CCDC125: variants seen among roughly 807,000 people sequenced by gnomAD.
The protein encoded by CCDC125 is coiled-coil domain containing 125.
Under a neutral mutation model 57.4 loss-of-function variants are expected in CCDC125, and 43 were observed. The observed-to-expected ratio is 0.75, with a 90% CI of 0.59 to 0.97. CCDC125 has a LOEUF of 0.97. Among genes scored for constraint, CCDC125 ranks in the 50% least tolerant of loss-of-function variants. The pLI is 0.00. For synonymous variants in CCDC125, 187 were observed against 195.2 expected, an observed-to-expected ratio of 0.96 and a Z score of 0.35; for missense variants, 563 against 595.7, an observed-to-expected ratio of 0.95 and a Z score of 0.57.
chr5:69,307,816 G>A, intron 5 of CCDC125, 135 bp downstream of exon 5: 2 of 655,138 alleles, frequency 3.1e-6, no homozygotes, highest in Non-Finnish European at 5.4e-6. Context: ...ACTCCAAAAG[G>A]GAAGACCATC....
chr5:69,300,091 A>G lies in CCDC125; in HGVS notation c.737T>C (p.Leu246Pro). 6.2e-7 allele frequency: 1 copy of G among 1,614,182 alleles called. No individual in the cohort carries two copies. The highest frequency in any genetic ancestry group is 1.3e-5 in the African/African-American group (1 of 75,050). The change falls in exon 8 of 12, where the codon CTT becomes CCT. Residue 246 changes from leucine to proline, a missense_variant. Transcript: ENST00000396496. ...NQRYLEALAM[L>P]DIKQQKMAQE... The stretch of plus-strand genomic sequence containing the variant: ...AGCCATCTTCTGCTGTTTGATATCA[A>G]GCATGGCGAGGGCCTCCAAATACCG...
intron 10 of CCDC125, among the ~76,000 whole-genome samples, chr5:69,286,472 T>C (rs1579956562): frequency 6.6e-6 from 1 of 151,618 alleles, no homozygotes; most frequent in East Asian, 1.9e-4. Flanking sequence ...GACCTCATGA[T>C]TCGCCCCCTC....
chr5:69,313,503 G>T, intron 3 of CCDC125: 1 of 923,382 alleles, frequency 1.1e-6, no homozygotes, highest in Non-Finnish European at 1.8e-6. Flanking sequence ...TCTTGTTGAT[G>T]GCGTCCTTGG....
At chr5:69,286,157 A>G (rs1231242476) in intron 10 of CCDC125, among the ~76,000 whole-genome samples, 1 of 139,928 alleles carries the variant, frequency 7.1e-6, no homozygotes, top group Non-Finnish European at 1.5e-5. Context: ...GAATATACTT[A>G]ATACCACTTA....
rs772079340 is a variant in CCDC125, at chr5:69,283,036, T to TA, written c.1231-3_1231-2insT. ...CAAAGCTTCTTCTTTATCATTAAGC[T>TA]GCATGCACAGAAATTAAACATGTAC... On this transcript the variant is annotated splice_region_variant and splice_polypyrimidine_tract_variant and intron_variant, in intron 11 of 11. Coordinates refer to ENST00000396496, the MANE Select transcript of CCDC125 (RefSeq NM_176816.5). 1.3e-6 allele frequency: 2 copies of TA among 1,574,720 alleles called. No homozygotes were observed. Among genetic ancestry groups the TA allele is most frequent in the South Asian group, 2.4e-5 (2 of 83,968 alleles).
At chr5:69,303,535 T>C (rs1015242614) in intron 7 of CCDC125, among the ~76,000 whole-genome samples, 3 of 151,404 alleles carry the variant, frequency 2.0e-5, no homozygotes, top group Non-Finnish European at 4.4e-5. Flanking sequence ...TCGCTAATTT[T>C]TGTATTTTTG....
At chr5:69,273,910 T>C in the CCDC125 span, among the ~76,000 whole-genome samples, 2 of 152,158 alleles carry the variant, frequency 1.3e-5, no homozygotes, top group Non-Finnish European at 2.9e-5. Flanking sequence ...GAAGGATAGA[T>C]AGATATAGAT....
intron 10 of CCDC125, among the ~76,000 whole-genome samples, chr5:69,286,310 C>A (rs1210192155): frequency 6.8e-6 from 1 of 146,246 alleles, no homozygotes; most frequent in Non-Finnish European, 1.5e-5. Context: ...CGGCTCACTG[C>A]AAGCTCCGCC....
the CCDC125 span, among the ~76,000 whole-genome samples, chr5:69,275,166 CT>C: frequency 1.3e-5 from 2 of 151,498 alleles, no homozygotes; most frequent in Non-Finnish European, 1.5e-5. Context: ...TGTATTGTAT[CT>C]ACAGCACTAT....
intron 1 of CCDC125, among the ~76,000 whole-genome samples, chr5:69,322,253 C>T (rs1020691960): frequency 1.3e-5 from 2 of 151,760 alleles, no homozygotes; most frequent in Non-Finnish European, 2.9e-5. Flanking sequence ...TGGAGTAGCT[C>T]GGATGACAGG....
intron 2 of CCDC125, among the ~76,000 whole-genome samples, chr5:69,314,561 A>AT (rs1561466229): frequency 1.3e-5 from 2 of 152,168 alleles, no homozygotes; most frequent in African/African-American, 4.8e-5. Context: ...GAATAAAAAA[A>AT]TTTTTTGAAT....
chr5:69,277,318 T>G, downstream of CCDC125: 1 of 446,592 alleles, frequency 2.2e-6, no homozygotes, highest in Non-Finnish European at 4.0e-6. Context: ...TAATTCTGGT[T>G]TTTCTGATTA....
intron 1 of CCDC125, among the ~76,000 whole-genome samples, chr5:69,330,593 A>G (rs908072091): frequency 5.5e-5 from 2 of 36,602 alleles, no homozygotes; most frequent in Non-Finnish European, 1.1e-4. Flanking sequence ...GACTCCATCT[A>G]AAAAAAAAAA....
At chr5:69,287,981 T>A (rs189615282) in intron 10 of CCDC125, among the ~76,000 whole-genome samples, 1 of 152,302 alleles carries the variant, frequency 6.6e-6, no homozygotes, top group East Asian at 1.9e-4. Context: ...CTTCCTTAGA[T>A]TTGTCAATAG....
chr5:69,299,034 G>C (rs1467633964), intron 8 of CCDC125, among the ~76,000 whole-genome samples: 3 of 151,884 alleles, frequency 2.0e-5, no homozygotes. Flanking sequence ...AAAGTTCTTA[G>C]AACATCATCT....
chr5:69,279,683 G>A (rs1385346365), downstream of CCDC125, among the ~76,000 whole-genome samples: 1 of 152,120 alleles, frequency 6.6e-6, no homozygotes, highest in Non-Finnish European at 1.5e-5. Flanking sequence ...TTCCTCGTGT[G>A]TGTGTGTAGA....
intron 10 of CCDC125, among the ~76,000 whole-genome samples, chr5:69,288,936 C>CTT (rs1175222078): frequency 6.6e-6 from 1 of 152,220 alleles, no homozygotes; most frequent in East Asian, 1.9e-4. Flanking sequence ...TAGGAAAACA[C>CTT]TTTGGTTTCC....
downstream of CCDC125, among the ~76,000 whole-genome samples, chr5:69,278,703 C>CT (rs34258569): frequency 0.25 from 27,239 of 108,006 alleles, 4,609 homozygotes; most frequent in African/African-American, 0.34. Flanking sequence ...TCTCTCTCTC[C>CT]TTTTTTTTTT....
intron 1 of CCDC125, among the ~76,000 whole-genome samples, chr5:69,325,764 C>T (rs1418915765): frequency 7.6e-6 from 1 of 131,648 alleles, no homozygotes; most frequent in Non-Finnish European, 1.5e-5. Flanking sequence ...GTGGATGTTG[C>T]GGTGAGCCAA....
Sources: gnomAD v4.1 joint callset for allele counts (sites outside exome capture counted in the v4.1 genomes callset) on GRCh38, gnomAD v4.1.1 for gene constraint, MANE v1.5 for transcripts, NCBI Gene and HGNC (gene_info 2026-07-23, HGNC 2026-07-21) for gene names.